Variants in METTL24 observed in about 807,000 individuals in gnomAD.
METTL24 encodes probable methyltransferase-like protein 24.
In METTL24, 29 loss-of-function variants were observed where a neutral mutation model predicts 32.7. The ratio of observed to expected loss-of-function variants is 0.89; its 90% CI spans 0.66 to 1.21. The LOEUF is 1.21. METTL24 is among the 50% of genes most tolerant of loss of function. METTL24 has a pLI of 0.00. For missense variants in METTL24, 439 were observed against 468.1 expected (o/e 0.94, Z 0.57); for synonymous variants, 163 against 179.5 (o/e 0.91, Z 0.73).
intron 4 of METTL24, among the ~76,000 whole-genome samples, chr6:110,251,879 C>T (rs1050819022): frequency 6.6e-6 from 1 of 152,200 alleles, no homozygotes; most frequent in African/African-American, 2.4e-5. Flanking sequence ...TGCAGTAGCT[C>T]ACGCCTGTAA....
intron 4 of METTL24, among the ~76,000 whole-genome samples, chr6:110,284,797 T>C (rs1385592455): frequency 6.6e-6 from 1 of 151,852 alleles, no homozygotes; most frequent in Non-Finnish European, 1.5e-5. Flanking sequence ...GTATAATCTG[T>C]CTTCTGAGCT....
intron 3 of METTL24, among the ~76,000 whole-genome samples, chr6:110,314,198 A>G (rs1296854452): frequency 1.3e-5 from 2 of 152,152 alleles, no homozygotes; most frequent in Non-Finnish European, 2.9e-5. Flanking sequence ...AGCATGTGAC[A>G]TGGAAACGAT....
intron 4 of METTL24, among the ~76,000 whole-genome samples, chr6:110,283,479 G>A (rs184090239): frequency 1.2e-4 from 19 of 152,254 alleles, no homozygotes; most frequent in African/African-American, 4.3e-4. Context: ...TAGAAAGGAG[G>A]GCAGCTGAAT....
At chr6:110,312,465 G>A (rs1361300730) in intron 3 of METTL24, among the ~76,000 whole-genome samples, 4 of 152,098 alleles carry the variant, frequency 2.6e-5, no homozygotes, top group Non-Finnish European at 5.9e-5. Context: ...GTCCATTAGT[G>A]ATAAATAAAG....
chr6:110,303,617 T>C (rs1457801433), intron 3 of METTL24, among the ~76,000 whole-genome samples: 1 of 152,142 alleles, frequency 6.6e-6, no homozygotes, highest in Admixed American at 6.5e-5. Context: ...CTCTCTAGAT[T>C]CCTCCTCTCT....
At chr6:110,335,284 C>T (rs1029425903) in intron 1 of METTL24, among the ~76,000 whole-genome samples, 1 of 152,166 alleles carries the variant, frequency 6.6e-6, no homozygotes, top group Non-Finnish European at 1.5e-5. Context: ...GCGAAGCTGC[C>T]AAAGTGGCAA....
intron 1 of METTL24, chr6:110,332,574 G>A (rs1772127618): frequency 1.5e-6 from 1 of 683,966 alleles, no homozygotes; most frequent in Non-Finnish European, 1.8e-6. Flanking sequence ...ACCTGGAAAG[G>A]AGGGACGAGT....
chr6:110,255,927 G>GA (rs560850769), intron 4 of METTL24, among the ~76,000 whole-genome samples: 81 of 148,954 alleles, frequency 5.4e-4, no homozygotes, highest in South Asian at 3.0e-3. Flanking sequence ...AGAAAAGAAA[G>GA]AAAAAAAAAC....
intron 1 of METTL24, among the ~76,000 whole-genome samples, chr6:110,356,580 T>C (rs1022056478): frequency 3.9e-5 from 6 of 152,186 alleles, no homozygotes; most frequent in African/African-American, 1.4e-4. Context: ...AATTACAGGA[T>C]TGGAAATCAC....
intron 1 of METTL24, among the ~76,000 whole-genome samples, chr6:110,337,884 T>C (rs1173102315): frequency 1.3e-5 from 2 of 152,220 alleles, no homozygotes; most frequent in Non-Finnish European, 2.9e-5. Flanking sequence ...TTACTTCCCA[T>C]TTTATACTTA....
At chr6:110,326,310 C>A (rs777144201) in intron 1 of METTL24, among the ~76,000 whole-genome samples, 7 of 152,220 alleles carry the variant, frequency 4.6e-5, no homozygotes, top group Non-Finnish European at 7.3e-5. Flanking sequence ...TCCAATCACA[C>A]TTCCACGTAG....
At chr6:110,333,564 C>T (rs1461669067) in intron 1 of METTL24, among the ~76,000 whole-genome samples, 3 of 152,108 alleles carry the variant, frequency 2.0e-5, no homozygotes, top group Non-Finnish European at 4.4e-5. Flanking sequence ...AGTGATTTCT[C>T]CTGCCTCAGC....
intron 1 of METTL24, among the ~76,000 whole-genome samples, chr6:110,353,447 T>C (rs1258726163): frequency 6.6e-6 from 1 of 152,084 alleles, no homozygotes. Context: ...TCTTTCTTCT[T>C]GATGACAATC....
At chr6:110,329,204 A>T (rs1455750444) in intron 1 of METTL24, among the ~76,000 whole-genome samples, 2 of 152,212 alleles carry the variant, frequency 1.3e-5, no homozygotes, top group African/African-American at 4.8e-5. Flanking sequence ...GAAGGGTTTT[A>T]AAACCAGCAG....
intron 3 of METTL24, among the ~76,000 whole-genome samples, chr6:110,311,560 G>C (rs1771724280): frequency 7.3e-6 from 1 of 136,718 alleles, no homozygotes; most frequent in Non-Finnish European, 1.5e-5. Flanking sequence ...TGCAACCTCT[G>C]CCTCCTGGGT....
intron 4 of METTL24, among the ~76,000 whole-genome samples, chr6:110,258,155 C>A (rs1211090909): frequency 6.6e-6 from 1 of 152,208 alleles, no homozygotes; most frequent in Non-Finnish European, 1.5e-5. Flanking sequence ...TATTTTCACT[C>A]ATTCTCCATA....
intron 4 of METTL24, among the ~76,000 whole-genome samples, chr6:110,269,463 T>C (rs1158301937): frequency 6.6e-6 from 1 of 152,188 alleles, no homozygotes; most frequent in East Asian, 1.9e-4. Context: ...CAGCCTAAGC[T>C]CCTCTTAGGC....
intron 4 of METTL24, among the ~76,000 whole-genome samples, chr6:110,257,083 G>C (rs1021171322): frequency 2.0e-5 from 3 of 152,222 alleles, no homozygotes; most frequent in African/African-American, 7.2e-5. Flanking sequence ...TAATCTGAGA[G>C]AAGATGACTT....
chr6:110,295,088 T>C lies in METTL24; in HGVS notation c.786+3834A>G, dbSNP rs372561894. Among the ~76,000 whole-genome samples the C allele has an allele frequency of 7.5e-5, 10 of 133,054 alleles. No homozygotes were observed. In the East Asian group the frequency reaches 2.0e-3, roughly 27 times the overall value. 87.3% of individuals were successfully genotyped at this position (133,054 alleles called of 152,430 possible). A position where few individuals can be genotyped will look rare whatever the true frequency, so the allele number is the denominator to read the frequency against. On this transcript the variant is annotated intron_variant, in intron 4 of 4. Transcript: ENST00000338882. ...CCCAAGCTGGAGTACAGTGGAGCAA[T>C]CATGGCTCACTGCAGCCTCCACCTC...
Sources: gnomAD v4.1 joint callset for allele counts (sites outside exome capture counted in the v4.1 genomes callset) on GRCh38, gnomAD v4.1.1 for gene constraint, MANE v1.5 for transcripts, NCBI Gene and HGNC (gene_info 2026-07-23, HGNC 2026-07-21) for gene names.